CLEC11A: variants seen among roughly 807,000 people sequenced by gnomAD.
CLEC11A encodes the protein C-type lectin domain containing 11A.
Under a neutral mutation model 33.9 loss-of-function variants are expected in CLEC11A, and 35 were observed. The ratio of observed to expected loss-of-function variants is 1.03; its 90% CI spans 0.79 to 1.37. CLEC11A has a LOEUF of 1.37. Ranked by LOEUF, CLEC11A falls within the 40% of genes most tolerant of loss-of-function variation. The pLI, the probability that CLEC11A is intolerant of heterozygous loss-of-function variation, is 0.00. For missense variants in CLEC11A, 519 were observed against 455.5 expected, an observed-to-expected ratio of 1.14 and a Z score of -1.27; for synonymous variants, 220 against 202.2, an observed-to-expected ratio of 1.09 and a Z score of -0.75.
Position 50,725,471 on chromosome 19 carries a change from G to C in CLEC11A, c.*4G>C. ...CGTCTGCGAGTTCCCCTTCTAGCGG[G>C]GCCGGTACCCCGCCTCCCTGCCCAT... On this transcript the variant is annotated 3_prime_UTR_variant, in exon 4 of 4. Coordinates refer to ENST00000250340, the MANE Select transcript of CLEC11A (RefSeq NM_002975.3). The C allele has an allele frequency of 1.3e-6, 2 of 1,586,668 alleles. No individual in the cohort carries two copies. Among genetic ancestry groups the C allele is most frequent in the Non-Finnish European group, 1.7e-6 (2 of 1,163,700 alleles).
At position 50,724,560 on chromosome 19, in the gene CLEC11A, A is replaced by T. The variant is rs763297929; in HGVS notation, c.485A>T (p.Glu162Val). ...CGCGATGCCGTGCAAGCCCTGCAGG[A>T]GGCGCAGGGTCGCGCCGAGCGCGAG... ...DTRDAVQALQ[E>V]AQGRAEREHG... Residue 162 changes from glutamate to valine, a missense_variant, in exon 3 of 4, where the codon GAG (glutamate) becomes GTG (valine). By Grantham distance (121) the Glu-to-Val change is moderately radical. Transcript: ENST00000250340. This position sits in a 1 kb window ranked among gnomAD's most constrained non-coding sequence, Gnocchi z 4.1. The T allele has an allele frequency of 3.3e-6, 5 of 1,494,892 alleles. 1 individual carries two copies. The South Asian group carries it at 6.3e-5, about 19-fold the overall frequency. 92.6% of individuals were successfully genotyped at this position (1,494,892 alleles called of 1,614,324 possible).
chr19:50,725,565 G>T lies in CLEC11A; in HGVS notation c.*98G>T. 6.9e-7 allele frequency: 1 copy of T among 1,448,164 alleles called. No homozygotes were observed. Among genetic ancestry groups the T allele is most frequent in the African/African-American group, 1.4e-5 (1 of 69,792 alleles). 89.7% of individuals were successfully genotyped at this position (1,448,164 alleles called of 1,614,324 possible). A position where few individuals can be genotyped will look rare whatever the true frequency, so the allele number is the denominator to read the frequency against. On this transcript the variant is annotated 3_prime_UTR_variant, in exon 4 of 4. Coordinates refer to ENST00000250340, the MANE Select transcript of CLEC11A (RefSeq NM_002975.3). Reference sequence around the variant, plus strand: ...GAATCTCCCTTCCCTTCCTGGCCACGAATGGCAGCGTCCTCCCCGACCCCC... The same window carrying T: ...GAATCTCCCTTCCCTTCCTGGCCACTAATGGCAGCGTCCTCCCCGACCCCC...
rs1283946067 is a variant in CLEC11A at position 50,724,476 on chromosome 19, C to A, written c.401C>A (p.Thr134Asn). 5 of 1,578,388 alleles carry A rather than the reference C, an allele frequency of 3.2e-6. No homozygotes were observed. Among genetic ancestry groups the A allele is most frequent in the Admixed American group, 1.7e-5 (1 of 57,924 alleles). Residue 134 changes from threonine to asparagine, a missense_variant, in exon 3 of 4, where the codon ACC (threonine) becomes AAC (asparagine). Thr to Asn is a moderately conservative substitution (Grantham distance 65, BLOSUM62 0). Transcript: ENST00000250340. This position sits in a 1 kb window ranked among gnomAD's most constrained non-coding sequence, Gnocchi z 4.1. The stretch of plus-strand genomic sequence containing the variant: ...CACGTCCGTCTGCACGCGTTGGACA[C>A]CCGCGTGGTCGAGCTGACCCAGGGG... Reference protein sequence around the residue: ...QLHVRLHALDTRVVELTQGLR... With the variant: ...QLHVRLHALDNRVVELTQGLR...
rs547022528 is a variant in CLEC11A at position 50,725,026 on chromosome 19, C to T, written c.531C>T (p.Cys177=). 2 of 1,484,626 alleles carry T rather than the reference C, an allele frequency of 1.3e-6. No individual in the cohort carries two copies. The highest frequency in any genetic ancestry group is 1.8e-4 in the Middle Eastern group (1 of 5,692). 92.0% of individuals were successfully genotyped at this position (1,484,626 alleles called of 1,614,324 possible). The change falls in exon 4 of 4, where the codon TGC becomes TGT. Residue 177 remains cysteine, a synonymous_variant. Transcript: ENST00000250340. The part of the protein sequence containing the change: ...AEREHGRLEG[C]LKGLRLGHKC... Reference sequence around the variant, plus strand: ...TCTACCCGGCCCCGCCCACAGGCTGCCTGAAGGGGCTGCGCCTGGGCCACA... The same window carrying T: ...TCTACCCGGCCCCGCCCACAGGCTGTCTGAAGGGGCTGCGCCTGGGCCACA...
Position 50,724,270 on chromosome 19 carries a change from AC to A in CLEC11A, c.335-137del. ...GCCTCCTAAAGGCCTGGGCCACTCGACCCTACCTTCCAGGAGTCCGGGGTGC... is the reference window on the plus strand; with the variant it reads ...GCCTCCTAAAGGCCTGGGCCACTCGACCTACCTTCCAGGAGTCCGGGGTGC... On this transcript the variant is annotated intron_variant, in intron 2 of 3. Coordinates refer to ENST00000250340, the MANE Select transcript of CLEC11A (RefSeq NM_002975.3). The surrounding 1 kb of genome is among the most constrained non-coding windows in gnomAD (Gnocchi z 4.1). The A allele has an allele frequency of 8.1e-7, 1 of 1,238,656 alleles. No individual in the cohort carries two copies. The highest frequency in any genetic ancestry group is 1.1e-6 in the Non-Finnish European group (1 of 917,022). The allele number at this position is 1,238,656 out of a possible 1,614,324, so 76.7% of individuals were successfully genotyped here.
chr19:50,725,164 C>G lies in CLEC11A; in HGVS notation c.669C>G (p.Leu223=). 1.9e-6 allele frequency: 3 copies of G among 1,571,422 alleles called. No individual in the cohort carries two copies. Among genetic ancestry groups the G allele is most frequent in the African/African-American group, 1.4e-5 (1 of 73,770 alleles). ...CAGACCGCCAGCAGATGGAGGCGCTCACTCGGTACCTGCGCGCGGCGCTCG... is the reference window on the plus strand; with the variant it reads ...CAGACCGCCAGCAGATGGAGGCGCTGACTCGGTACCTGCGCGCGGCGCTCG... ...QPADRQQMEA[L]TRYLRAALAP... The change falls in exon 4 of 4, where the codon CTC becomes CTG. Residue 223 remains leucine (L), a synonymous_variant. Coordinates refer to ENST00000250340, the MANE Select transcript of CLEC11A (RefSeq NM_002975.3).
In CLEC11A at chr19:50,723,951, A is replaced by C. The variant is rs778470033; in HGVS notation, c.194A>C (p.Asn65Thr). The change falls in exon 2 of 4, where the codon AAT (asparagine) becomes ACT (threonine). Residue 65 changes from asparagine to threonine, a missense_variant. By Grantham distance (65) the Asn-to-Thr change is moderately conservative. Coordinates refer to ENST00000250340, the MANE Select transcript of CLEC11A (RefSeq NM_002975.3). The surrounding 1 kb of genome is among the most constrained non-coding windows in gnomAD (Gnocchi z 4.1). ...LGLPAGRGDE[N>T]PAGTVEGKED... ...CTGCCTGCTGGGAGGGGGGATGAGAATCCTGCCGGAACTGTTGAGGGAAAA... is the reference window on the plus strand; with the variant it reads ...CTGCCTGCTGGGAGGGGGGATGAGACTCCTGCCGGAACTGTTGAGGGAAAA... The C allele has an allele frequency of 1.7e-5, 28 of 1,613,526 alleles. 1 individual carries two copies. In the East Asian group the frequency reaches 6.0e-4, roughly 35 times the overall value.
chr19:50,725,520 G>T lies in CLEC11A; in HGVS notation c.*53G>T. The T allele has an allele frequency of 6.7e-7, 1 of 1,489,148 alleles. No individual in the cohort carries two copies. Among genetic ancestry groups the T allele is most frequent in the Non-Finnish European group, 9.0e-7 (1 of 1,114,886 alleles). 92.2% of individuals were successfully genotyped at this position (1,489,148 alleles called of 1,614,324 possible). A position where few individuals can be genotyped will look rare whatever the true frequency, so the allele number is the denominator to read the frequency against. On this transcript the variant is annotated 3_prime_UTR_variant, in exon 4 of 4. Coordinates refer to ENST00000250340, the MANE Select transcript of CLEC11A (RefSeq NM_002975.3). The stretch of plus-strand genomic sequence containing the variant: ...ATCCCACCACCCGGCCTTTCCCTGC[G>T]CCGTGCCCACCCTCCTCCGGAATCT...
In CLEC11A at chr19:50,725,647, C is replaced by T. The variant is rs2089181905; in HGVS notation, c.*180C>T. ...TGCCGGCACTCCTCCTTGTTAGTGT[C>T]TTTCCTTGAAGGGGCGGGCACCAGG... On this transcript the variant is annotated 3_prime_UTR_variant, in exon 4 of 4. Coordinates refer to ENST00000250340, the MANE Select transcript of CLEC11A (RefSeq NM_002975.3). 9 of 1,172,200 alleles carry T rather than the reference C, an allele frequency of 7.7e-6. No homozygotes were observed. The Admixed American group carries it at 1.5e-4, about 19-fold the overall frequency. 72.6% of individuals were successfully genotyped at this position (1,172,200 alleles called of 1,614,324 possible). A position where few individuals can be genotyped will look rare whatever the true frequency, so the allele number is the denominator to read the frequency against.
chr19:50,724,847 C>G lies in CLEC11A; in HGVS notation c.527-175C>G. On this transcript the variant is annotated intron_variant, in intron 3 of 3. Transcript: ENST00000250340. The surrounding 1 kb of genome is among the most constrained non-coding windows in gnomAD (Gnocchi z 4.1). The stretch of plus-strand genomic sequence containing the variant: ...CAGCTCCCACCGCCTGGCCCCGCCC[C>G]TGGCGGACCAGACTCTCCACCTCCT... The G allele has an allele frequency of 7.2e-7, 1 of 1,395,118 alleles. No individual in the cohort carries two copies. Among genetic ancestry groups the G allele is most frequent in the Non-Finnish European group, 9.3e-7 (1 of 1,079,664 alleles). The allele number at this position is 1,395,118 out of a possible 1,614,324, so 86.4% of individuals were successfully genotyped here. A position where few individuals can be genotyped will look rare whatever the true frequency, so the allele number is the denominator to read the frequency against.
Position 50,723,435 on chromosome 19 carries a change from A to G in CLEC11A, c.-91A>G, listed in dbSNP as rs977156150. ...ACCTGGGGGCTAGTGACCTGCACAC[A>G]GGGCAGGGGCACTCGGCAGTTCCCA... On this transcript the variant is annotated 5_prime_UTR_variant, in exon 1 of 4. Coordinates refer to ENST00000250340, the MANE Select transcript of CLEC11A (RefSeq NM_002975.3). This position sits in a 1 kb window ranked among gnomAD's most constrained non-coding sequence, Gnocchi z 4.1. The G allele has an allele frequency of 4.3e-6, 6 of 1,380,566 alleles. No individual in the cohort carries two copies. In the African/African-American group the frequency reaches 5.7e-5, roughly 13 times the overall value. The allele number at this position is 1,380,566 out of a possible 1,614,324, so 85.5% of individuals were successfully genotyped here. A position where few individuals can be genotyped will look rare whatever the true frequency, so the allele number is the denominator to read the frequency against.
chr19:50,724,095 AGT>A lies in CLEC11A; in HGVS notation c.334+5_334+6del, dbSNP rs1165963258. ...GAGGACATCGTCACTTACATCCGTG[AGT>A]AACCAGAAGCCCTCACCCCCAAACT... On this transcript the variant is annotated splice_donor_5th_base_variant and intron_variant, in intron 2 of 3. Transcript: ENST00000250340. This position sits in a 1 kb window ranked among gnomAD's most constrained non-coding sequence, Gnocchi z 4.1. The A allele has an allele frequency of 5.0e-5, 80 of 1,609,954 alleles. No individual in the cohort carries two copies. The highest frequency in any genetic ancestry group is 6.6e-5 in the Non-Finnish European group (78 of 1,178,234).
chr19:50,724,682 T>C lies in CLEC11A; in HGVS notation c.526+81T>C. 1 of 1,311,754 alleles carries C rather than the reference T, an allele frequency of 7.6e-7. No homozygotes were observed. The allele number at this position is 1,311,754 out of a possible 1,614,324, so 81.3% of individuals were successfully genotyped here. A position where few individuals can be genotyped will look rare whatever the true frequency, so the allele number is the denominator to read the frequency against. On this transcript the variant is annotated intron_variant, in intron 3 of 3. Coordinates refer to ENST00000250340, the MANE Select transcript of CLEC11A (RefSeq NM_002975.3). This position sits in a 1 kb window ranked among gnomAD's most constrained non-coding sequence, Gnocchi z 4.1. The stretch of plus-strand genomic sequence containing the variant: ...GACTGGTTGAGAAGGTGACCCTAGG[T>C]GTCCGGGGCGGGAGAGTTCGGGAGA...
In CLEC11A at chr19:50,725,474, C is replaced by T. The variant is rs369434015; in HGVS notation, c.*7C>T. On this transcript the variant is annotated 3_prime_UTR_variant, in exon 4 of 4. Transcript: ENST00000250340. ...CTGCGAGTTCCCCTTCTAGCGGGGC[C>T]GGTACCCCGCCTCCCTGCCCATCCC... is the stretch of plus-strand genomic sequence containing the variant. The T allele has an allele frequency of 6.3e-6, 10 of 1,582,236 alleles. No homozygotes were observed. The African/African-American group carries it at 8.1e-5, about 13-fold the overall frequency.
Position 50,724,454 on chromosome 19 carries a change from G to GT in CLEC11A, c.380dup (p.Arg128ProfsTer175). On this transcript the variant is annotated frameshift_variant, in exon 3 of 4. Coordinates refer to ENST00000250340, the MANE Select transcript of CLEC11A (RefSeq NM_002975.3). LOFTEE classifies it high-confidence loss of function. This position sits in a 1 kb window ranked among gnomAD's most constrained non-coding sequence, Gnocchi z 4.1. ...GGACGCAGGCCTGCACCAGCTGCAC[G>GT]TCCGTCTGCACGCGTTGGACACCCG... 1 of 1,565,576 alleles carries GT rather than the reference G, an allele frequency of 6.4e-7. No individual in the cohort carries two copies. The highest frequency in any genetic ancestry group is 8.6e-7 in the Non-Finnish European group (1 of 1,162,098).
rs189234040 is a variant in CLEC11A at position 50,724,307 on chromosome 19, G to A, written c.335-103G>A. On this transcript the variant is annotated intron_variant, in intron 2 of 3. Transcript: ENST00000250340. This position sits in a 1 kb window ranked among gnomAD's most constrained non-coding sequence, Gnocchi z 4.1. ...AGGAGTCCGGGGTGCCCCCCCCACC[G>A]CCACCCCGCCCTCAGGAGCCCTAGA... The A allele has an allele frequency of 6.1e-4, 294 of 478,976 alleles. 2 individuals are homozygous for A. The East Asian group carries it at 0.016, about 26-fold the overall frequency. The allele number at this position is 478,976 out of a possible 1,614,324, so 29.7% of individuals were successfully genotyped here. A position where few individuals can be genotyped will look rare whatever the true frequency, so the allele number is the denominator to read the frequency against.
rs2089170541 is a variant in CLEC11A, at chr19:50,724,775, C to G, written c.526+174C>G. Among the ~76,000 whole-genome samples, 1 of 152,060 alleles carries G rather than the reference C, an allele frequency of 6.6e-6. No homozygotes were observed. On this transcript the variant is annotated intron_variant, in intron 3 of 3. Coordinates refer to ENST00000250340, the MANE Select transcript of CLEC11A (RefSeq NM_002975.3). The surrounding 1 kb of genome is among the most constrained non-coding windows in gnomAD (Gnocchi z 4.1). Reference sequence around the variant, plus strand: ...GAATGCAGGGAGCGGGTGGGCACTCCAGACCCGCGCGGACCCGACTGGGGC... The same window carrying G: ...GAATGCAGGGAGCGGGTGGGCACTCGAGACCCGCGCGGACCCGACTGGGGC...
Position 50,725,008 on chromosome 19 carries a change from G to A in CLEC11A, c.527-14G>A. 7.0e-7 allele frequency: 1 copy of A among 1,422,340 alleles called. No homozygotes were observed. The highest frequency in any genetic ancestry group is 1.5e-5 in the African/African-American group (1 of 64,586). The allele number at this position is 1,422,340 out of a possible 1,614,324, so 88.1% of individuals were successfully genotyped here. ...CATGACCCCGCCTCCTTCTCTACCCGGCCCCGCCCACAGGCTGCCTGAAGG... is the reference window on the plus strand; with the variant it reads ...CATGACCCCGCCTCCTTCTCTACCCAGCCCCGCCCACAGGCTGCCTGAAGG... On this transcript the variant is annotated splice_polypyrimidine_tract_variant and intron_variant, in intron 3 of 3. Transcript: ENST00000250340.
Position 50,725,674 on chromosome 19 carries a change from T to G in CLEC11A, c.*207T>G. On this transcript the variant is annotated 3_prime_UTR_variant, in exon 4 of 4. Transcript: ENST00000250340. ...TTCCTTGAAGGGGCGGGCACCAGGC[T>G]AGGTCCGGTGCCAATAAATCCTTGT... 1 of 900,366 alleles carries G rather than the reference T, an allele frequency of 1.1e-6. No homozygotes were observed. The highest frequency in any genetic ancestry group is 2.7e-5 in the East Asian group (1 of 36,856). 55.8% of individuals were successfully genotyped at this position (900,366 alleles called of 1,614,324 possible).
Sources: gnomAD v4.1 joint callset for allele counts (sites outside exome capture counted in the v4.1 genomes callset) on GRCh38, gnomAD v4.1.1 for gene constraint, Gnocchi (gnomAD v3.1) non-coding constraint, MANE v1.5 for transcripts, NCBI Gene and HGNC (gene_info 2026-07-23, HGNC 2026-07-21) for gene names.